The following MTMR7 variants were observed in gnomAD, a reference collection of about 807,000 sequenced individuals.
The protein encoded by MTMR7 is myotubularin related protein 7.
A neutral mutation model predicts 81.2 loss-of-function variants in MTMR7; 76 were observed. The ratio of observed to expected loss-of-function variants is 0.94; its 90% CI spans 0.78 to 1.13. MTMR7 has a LOEUF of 1.13. MTMR7 is among the 50% of genes most tolerant of loss of function. The pLI is 0.00. For missense variants in MTMR7, 1,044 were observed against 820.0 expected, an observed-to-expected ratio of 1.27 and a Z score of -3.34; for synonymous variants, 372 against 289.8, an observed-to-expected ratio of 1.28 and a Z score of -2.88.
chr8:17,349,132 C>T (rs376429848), intron 4 of MTMR7, 51 bp from the exon 5 acceptor site: 137 of 1,582,558 alleles, frequency 8.7e-5, no homozygotes, highest in African/African-American at 8.1e-4. Flanking sequence ...TAATGCCCTG[C>T]GAACTGCCCC....
chr8:17,322,933 A>G (rs1031947756), intron 7 of MTMR7, among the ~76,000 whole-genome samples: 3 of 146,148 alleles, frequency 2.1e-5, no homozygotes, highest in African/African-American at 7.7e-5. Context: ...CCTCCCATCT[A>G]GAGTGGATTG....
chr8:17,364,015 G>T (rs1261419033), intron 3 of MTMR7, among the ~76,000 whole-genome samples: 2 of 119,074 alleles, frequency 1.7e-5, no homozygotes, highest in African/African-American at 7.0e-5. Context: ...AAAAAGTGTT[G>T]CTATTATTTT....
intron 7 of MTMR7, among the ~76,000 whole-genome samples, chr8:17,323,104 C>T (rs1008880888): frequency 2.0e-5 from 3 of 151,730 alleles, no homozygotes; most frequent in Admixed American, 6.6e-5. Flanking sequence ...TACACCACCA[C>T]GCCCAGCTAA....
chr8:17,332,547 A>T (rs749007456), intron 6 of MTMR7, among the ~76,000 whole-genome samples: 14 of 152,186 alleles, frequency 9.2e-5, no homozygotes, highest in Non-Finnish European at 1.8e-4. Flanking sequence ...TTATATCATG[A>T]TGAGCCCATT....
At chr8:17,326,113 C>A (rs1818665228) in intron 7 of MTMR7, among the ~76,000 whole-genome samples, 1 of 152,148 alleles carries the variant, frequency 6.6e-6, no homozygotes, top group Non-Finnish European at 1.5e-5. Flanking sequence ...CCTAGGACTT[C>A]ACACACTGAG....
At chr8:17,339,136 T>G (rs1465147288) in intron 6 of MTMR7, 1 of 152,222 alleles carries the variant, frequency 6.6e-6, no homozygotes, top group African/African-American at 2.4e-5. Flanking sequence ...GGATCACCAA[T>G]GAGTGTAGAC....
intron 1 of MTMR7, among the ~76,000 whole-genome samples, chr8:17,373,579 T>C (rs1401168630): frequency 1.3e-5 from 2 of 152,222 alleles, no homozygotes; most frequent in Non-Finnish European, 2.9e-5. Context: ...AGAAAGTGTA[T>C]GTGTTAATGT....
At chr8:17,372,614 T>G (rs923524592) in intron 2 of MTMR7, among the ~76,000 whole-genome samples, 1 of 151,898 alleles carries the variant, frequency 6.6e-6, no homozygotes, top group African/African-American at 2.4e-5. Context: ...ATAATAATTA[T>G]TATTATTTAG....
chr8:17,388,914 A>G (rs562006230), intron 1 of MTMR7, among the ~76,000 whole-genome samples: 2 of 152,334 alleles, frequency 1.3e-5, no homozygotes, highest in Admixed American at 1.3e-4. Flanking sequence ...AATTGGCACC[A>G]TATTTTTCTC....
intron 7 of MTMR7, among the ~76,000 whole-genome samples, chr8:17,327,068 C>T (rs192184504): frequency 5.7e-4 from 87 of 152,246 alleles, no homozygotes; most frequent in Non-Finnish European, 9.0e-4. Context: ...AGCAATTTTA[C>T]GACCTGAATT....
chr8:17,367,238 A>G (rs1820254497), intron 3 of MTMR7, among the ~76,000 whole-genome samples: 1 of 152,208 alleles, frequency 6.6e-6, no homozygotes, highest in African/African-American at 2.4e-5. Context: ...AATACTAAAA[A>G]GAAACTAGTT....
chr8:17,354,824 A>G (rs1354844824), intron 4 of MTMR7, among the ~76,000 whole-genome samples: 1 of 152,224 alleles, frequency 6.6e-6, no homozygotes, highest in Non-Finnish European at 1.5e-5. Flanking sequence ...GAAATAAGAC[A>G]ACTTGTGTTC....
intron 1 of MTMR7, among the ~76,000 whole-genome samples, chr8:17,387,721 T>C (rs1820993459): frequency 6.6e-6 from 1 of 152,186 alleles, no homozygotes; most frequent in South Asian, 2.1e-4. Context: ...CTAATTCCTA[T>C]ACGTAAAATT....
intron 1 of MTMR7, among the ~76,000 whole-genome samples, chr8:17,399,455 A>G (rs1821357535): frequency 1.3e-5 from 2 of 152,190 alleles, no homozygotes; most frequent in Non-Finnish European, 2.9e-5. Context: ...GCAAACTATA[A>G]AACGCTGAGG....
intron 3 of MTMR7, 109 bp from the exon 4 acceptor site, chr8:17,361,383 C>G: frequency 1.7e-6 from 2 of 1,160,908 alleles, no homozygotes; most frequent in Non-Finnish European, 2.5e-6. Flanking sequence ...CCATCCCAAC[C>G]CCCACCCCCA....
chr8:17,366,608 C>T (rs760250973), intron 3 of MTMR7, among the ~76,000 whole-genome samples: 11 of 152,004 alleles, frequency 7.2e-5, no homozygotes, highest in Non-Finnish European at 1.5e-4. Flanking sequence ...TAGTTGAGGC[C>T]GGGCGCGGTG....
At chr8:17,405,833 TATACACACACACAC>T (rs1347525217) in intron 1 of MTMR7, among the ~76,000 whole-genome samples, 12 of 78,890 alleles carry the variant, frequency 1.5e-4, no homozygotes, top group African/African-American at 3.5e-4. Flanking sequence ...TCCCCAAAAC[TATACACACACACAC>T]ACACACACAC....
At chr8:17,345,850 C>A (rs1819537638) in intron 5 of MTMR7, among the ~76,000 whole-genome samples, 1 of 152,126 alleles carries the variant, frequency 6.6e-6, no homozygotes, top group Non-Finnish European at 1.5e-5. Context: ...CAAAAGTGTC[C>A]CTTTGGTAGC....
chr8:17,365,109 C>A (rs923646322), intron 3 of MTMR7, among the ~76,000 whole-genome samples: 1 of 152,188 alleles, frequency 6.6e-6, no homozygotes, highest in African/African-American at 2.4e-5. Flanking sequence ...AAAGGTCATT[C>A]TAACAGTTGT....
Sources: gnomAD v4.1 joint callset for allele counts (sites outside exome capture counted in the v4.1 genomes callset) on GRCh38, gnomAD v4.1.1 for gene constraint, MANE v1.5 for transcripts, NCBI Gene and HGNC (gene_info 2026-07-23, HGNC 2026-07-21) for gene names.